Variants in CPXM2 observed in about 807,000 individuals in gnomAD.
CPXM2 encodes the protein inactive carboxypeptidase-like protein X2.
A neutral mutation model predicts 86.1 loss-of-function variants in CPXM2; 66 were observed. The ratio of observed to expected loss-of-function variants is 0.77; its 90% CI spans 0.63 to 0.94. CPXM2 has a LOEUF of 0.94. Among genes scored for constraint, CPXM2 ranks in the 40% least tolerant of loss-of-function variants. CPXM2 has a pLI of 0.00. For missense variants in CPXM2, 948 were observed against 1,026.3 expected (o/e 0.92, Z 1.04); for synonymous variants, 388 against 400.2 (o/e 0.97, Z 0.36).
At chr10:123,846,306 A>G (rs1350068530) in intron 3 of CPXM2, among the ~76,000 whole-genome samples, 1 of 152,188 alleles carries the variant, frequency 6.6e-6, no homozygotes, top group Non-Finnish European at 1.5e-5. Context: ...AGGTGATGGG[A>G]GACAGTGACA....
intron 4 of CPXM2, 21 bp downstream of exon 4, chr10:123,842,328 C>G (rs759974580): frequency 1.2e-6 from 2 of 1,613,992 alleles, no homozygotes; most frequent in South Asian, 2.2e-5. Flanking sequence ...GTCCAGAAAG[C>G]ATATGTCCAG....
chr10:123,936,237 G>A (rs540487410), intron 2 of CPXM2, among the ~76,000 whole-genome samples: 2 of 152,324 alleles, frequency 1.3e-5, no homozygotes, highest in East Asian at 3.9e-4. Flanking sequence ...CTAAGGCTCA[G>A]AGACTGTAAA....
chr10:123,753,182 C>T (rs140468719), intron 13 of CPXM2, among the ~76,000 whole-genome samples: 20 of 152,080 alleles, frequency 1.3e-4, no homozygotes, highest in African/African-American at 4.6e-4. Flanking sequence ...TGATGACCCC[C>T]GTGTAGTGTC....
chr10:123,845,290 T>A (rs769522445), intron 3 of CPXM2, among the ~76,000 whole-genome samples: 1 of 150,532 alleles, frequency 6.6e-6, no homozygotes, highest in Non-Finnish European at 1.5e-5. Flanking sequence ...CAACCAGCTA[T>A]AGAACACCAT....
chr10:123,921,381 A>G (rs1945578599), intron 2 of CPXM2, among the ~76,000 whole-genome samples: 1 of 152,230 alleles, frequency 6.6e-6, no homozygotes, highest in South Asian at 2.1e-4. Context: ...TACAAAGAGA[A>G]AAAGGCCTTT....
At chr10:123,817,334 G>C (rs903982933) in intron 4 of CPXM2, among the ~76,000 whole-genome samples, 5 of 152,170 alleles carry the variant, frequency 3.3e-5, no homozygotes, top group Non-Finnish European at 7.3e-5. Context: ...ATGCTGTCTG[G>C]AGCCTTTGGC....
At chr10:123,881,068 C>T (rs559398700) in intron 1 of CPXM2, among the ~76,000 whole-genome samples, 123 of 151,804 alleles carry the variant, frequency 8.1e-4, no homozygotes, top group Middle Eastern at 6.8e-3. Context: ...CTTGCCATAG[C>T]CTGAGACACC....
In CPXM2 at chr10:123,854,385, A is replaced by AATATATATATAATATATATATT. The variant is rs1271071237; in HGVS notation, c.513+8228_513+8229insAATATATATATTATATATATAT. Among the ~76,000 whole-genome samples, 450 of 86,398 alleles carry AATATATATATAATATATATATT rather than the reference A, an allele frequency of 5.2e-3. 2 individuals are homozygous for AATATATATATAATATATATATT. Among genetic ancestry groups the AATATATATATAATATATATATT allele is most frequent in the African/African-American group, 0.021 (401 of 19,046 alleles). The allele number at this position is 86,398 out of a possible 152,430, so 56.7% of individuals were successfully genotyped here. ...AAATATATATATATAATATATATAT[A>AATATATATATAATATATATATT]ATATATATATTATATATATATTATA... On this transcript the variant is annotated intron_variant, in intron 3 of 13. Transcript: ENST00000241305.
chr10:123,923,599 T>A lies in CPXM2; in HGVS notation n.174+15878A>T, dbSNP rs984814467. The stretch of plus-strand genomic sequence containing the variant: ...CCGTCTCAAAAAAAAAAAAAAGAAA[T>A]AAACATTCTTAGGACACGTGAGGAA... On this transcript the variant is annotated intron_variant and non_coding_transcript_variant, in intron 2 of 19. Coordinates refer to the CPXM2 transcript ENST00000368854. Among the ~76,000 whole-genome samples the A allele has an allele frequency of 4.0e-5, 6 of 149,568 alleles. No individual in the cohort carries two copies. In the East Asian group the frequency reaches 8.2e-4, roughly 20 times the overall value.
In CPXM2 at chr10:123,759,280, C is replaced by T. The variant is rs139646989; in HGVS notation, c.1778-1928G>A. The stretch of plus-strand genomic sequence containing the variant: ...CCAGGGAGCACAGGTTTCAGCTTTC[C>T]GGGAGAGCTGAACACCTGTCTACAG... On this transcript the variant is annotated intron_variant, in intron 11 of 13. Transcript: ENST00000241305. Among the ~76,000 whole-genome samples, 75 of 152,262 alleles carry T rather than the reference C, an allele frequency of 4.9e-4. 1 individual carries two copies. The highest frequency in any genetic ancestry group is 1.7e-3 in the African/African-American group (72 of 41,536).
chr10:123,802,005 C>T (rs189439678), intron 4 of CPXM2, among the ~76,000 whole-genome samples: 43 of 152,286 alleles, frequency 2.8e-4, no homozygotes, highest in East Asian at 1.5e-3. Context: ...TTGATACTGT[C>T]GTTCTCTCCC....
chr10:123,924,893 A>G (rs1945610999), intron 2 of CPXM2, among the ~76,000 whole-genome samples: 1 of 152,190 alleles, frequency 6.6e-6, no homozygotes, highest in Non-Finnish European at 1.5e-5. Context: ...TGATTAGAAC[A>G]AAATACCCCT....
intron 6 of CPXM2, among the ~76,000 whole-genome samples, chr10:123,794,097 A>T (rs1365130683): frequency 6.6e-6 from 1 of 152,214 alleles, no homozygotes; most frequent in Non-Finnish European, 1.5e-5. Context: ...CTCTTGGCCG[A>T]CTTGGAGGAC....
intron 6 of CPXM2, 84 bp from the exon 7 acceptor site, chr10:123,780,339 C>T (rs1019578285): frequency 8.3e-5 from 76 of 918,690 alleles, no homozygotes; most frequent in African/African-American, 7.6e-4. Context: ...GGGGACTGCA[C>T]GGACAGTGCA....
At chr10:123,912,689 A>C (rs1945501167) in intron 2 of CPXM2, among the ~76,000 whole-genome samples, 1 of 152,220 alleles carries the variant, frequency 6.6e-6, no homozygotes, top group Admixed American at 6.5e-5. Flanking sequence ...GGCTGGAGGA[A>C]GGCTCTGAAA....
intron 5 of CPXM2, 97 bp from the exon 6 acceptor site, chr10:123,798,223 G>T: frequency 7.3e-5 from 65 of 893,718 alleles, no homozygotes; most frequent in East Asian, 1.3e-4. Flanking sequence ...CTTTATTGAG[G>T]AAAACCTAAT....
At chr10:123,837,302 T>C (rs1225958561) in intron 4 of CPXM2, among the ~76,000 whole-genome samples, 1 of 152,196 alleles carries the variant, frequency 6.6e-6, no homozygotes, top group Non-Finnish European at 1.5e-5. Context: ...TACCTCCTTC[T>C]TATAAAGTCA....
At chr10:123,781,420 T>A (rs148596414) in intron 6 of CPXM2, among the ~76,000 whole-genome samples, 536 of 152,276 alleles carry the variant, frequency 3.5e-3, no homozygotes, top group Non-Finnish European at 5.9e-3. Flanking sequence ...AAGAGACCAC[T>A]CCATCTGCCT....
intron 7 of CPXM2, chr10:123,776,783 T>C (rs1846801719): frequency 6.6e-6 from 1 of 152,144 alleles, no homozygotes; most frequent in East Asian, 1.9e-4. Flanking sequence ...CGGATGGAAA[T>C]GGGGAGAAAA....
Sources: gnomAD v4.1 joint callset for allele counts (sites outside exome capture counted in the v4.1 genomes callset) on GRCh38, gnomAD v4.1.1 for gene constraint, MANE v1.5 for transcripts, NCBI Gene and HGNC (gene_info 2026-07-23, HGNC 2026-07-21) for gene names.